The following NAXE variants were observed in gnomAD, a reference collection of about 807,000 sequenced individuals.
NAXE encodes the protein NAD(P)HX epimerase.
In NAXE, 25 loss-of-function variants were observed where a neutral mutation model predicts 31.2. The observed-to-expected ratio is 0.80, with a 90% CI of 0.58 to 1.12. NAXE has a LOEUF of 1.12. NAXE is among the 50% of genes most tolerant of loss of function. NAXE has a pLI of 0.00. For synonymous variants in NAXE, 144 were observed against 154.5 expected, an observed-to-expected ratio of 0.93 and a Z score of 0.50; for missense variants, 362 against 376.1, an observed-to-expected ratio of 0.96 and a Z score of 0.31.
Position 156,593,902 on chromosome 1 carries a change from A to G in NAXE, c.685A>G (p.Asn229Asp). 2.5e-6 allele frequency: 4 copies of G among 1,614,116 alleles called. No individual in the cohort carries two copies. Among genetic ancestry groups the G allele is most frequent in the Non-Finnish European group, 2.5e-6 (3 of 1,180,022 alleles). The change falls in exon 6 of 6, where the codon AAT (asparagine) becomes GAT (aspartate). Residue 229 changes from asparagine to aspartate, a missense_variant. Asn to Asp is a conservative substitution (Grantham distance 23, BLOSUM62 1). Coordinates refer to ENST00000368235, the MANE Select transcript of NAXE (RefSeq NM_144772.3). ...IPSGWDVEKG[N>D]AGGIQPDLLI... ...TTCAGGATGGGACGTGGAGAAGGGA[A>G]ATGCTGGAGGGATCCAGCCAGACTT...
At chr1:156,592,874 C>T in intron 4 of NAXE, 1 of 579,114 alleles carries the variant, frequency 1.7e-6, no homozygotes, top group East Asian at 2.9e-5. Context: ...TCTAAAGCTT[C>T]CTTGCCCTTT....
chr1:156,593,162 T>C (rs532263357), intron 4 of NAXE: 8 of 490,822 alleles, frequency 1.6e-5, no homozygotes. Flanking sequence ...CGTCTCAGGC[T>C]ATCTCAGCCT....
In NAXE at chr1:156,592,562, C is replaced by T. The variant is rs747812195; in HGVS notation, c.408C>T (p.Tyr136=). Residue 136 remains tyrosine, a synonymous_variant, in exon 4 of 6, where the codon TAC becomes TAT. Coordinates refer to ENST00000368235, the MANE Select transcript of NAXE (RefSeq NM_144772.3). ...AATTACCACTTTCTTCCTAGGGCTA[C>T]GAGCCAACCATCTATTACCCCAAAA... The part of the protein sequence containing the change: ...VCARHLKLFG[Y]EPTIYYPKRP... The T allele has an allele frequency of 7.4e-6, 12 of 1,613,850 alleles. No homozygotes were observed. The highest frequency in any genetic ancestry group is 6.7e-5 in the East Asian group (3 of 44,890).
intron 4 of NAXE, chr1:156,593,190 G>T: frequency 1.9e-6 from 1 of 538,250 alleles, no homozygotes; most frequent in South Asian, 3.2e-5. Flanking sequence ...CCCCAGTGGT[G>T]GGCAGGCAGG....
chr1:156,593,481 G>A lies in NAXE; in HGVS notation c.590G>A (p.Arg197Gln), dbSNP rs564275815. Residue 197 changes from arginine to glutamine, a missense_variant, in exon 5 of 6, where the codon CGG becomes CAG. Coordinates refer to ENST00000368235, the MANE Select transcript of NAXE (RefSeq NM_144772.3). The part of the protein sequence containing the change: ...IFGFSFKGDV[R>Q]EPFHSILSVL... ...GGCTTCAGCTTCAAGGGCGATGTTC[G>A]GGAACCGTTCCACAGCATCCTGAGT... 90 of 1,614,172 alleles carry A rather than the reference G, an allele frequency of 5.6e-5. No individual in the cohort carries two copies. The Admixed American group carries it at 8.8e-4, about 16-fold the overall frequency.
intron 4 of NAXE, chr1:156,592,945 A>C: frequency 4.1e-6 from 2 of 482,444 alleles, no homozygotes; most frequent in East Asian, 3.7e-5. Flanking sequence ...CATGCAGTAA[A>C]CACATGATCT....
Position 156,592,480 on chromosome 1 carries a change from G to A in NAXE, c.402+5G>A, listed in dbSNP as rs776395246. Reference sequence around the variant, plus strand: ...GCTCGACACCTCAAACTCTTTGTGAGTATGTGGGGAGGGGCTGTGGGGGAG... The same window carrying A: ...GCTCGACACCTCAAACTCTTTGTGAATATGTGGGGAGGGGCTGTGGGGGAG... On this transcript the variant is annotated splice_donor_5th_base_variant and intron_variant, in intron 3 of 5. Coordinates refer to ENST00000368235, the MANE Select transcript of NAXE (RefSeq NM_144772.3). 1.9e-6 allele frequency: 3 copies of A among 1,614,030 alleles called. No homozygotes were observed. The highest frequency in any genetic ancestry group is 2.5e-6 in the Non-Finnish European group (3 of 1,179,900).
In NAXE at chr1:156,591,981, C is replaced by A. The variant is rs371872027; in HGVS notation, c.177C>A (p.Tyr59Ter). 6.2e-7 allele frequency: 1 copy of A among 1,613,328 alleles called. No individual in the cohort carries two copies. The highest frequency in any genetic ancestry group is 1.3e-5 in the African/African-American group (1 of 75,026). ...TCATGGCGAGCACGGTGGTGAAGTA[C>A]CTGAGGTAGGCACGGGTCTCGGGTG... ...SEVMASTVVK[Y>*]LSQEEAQAVD... Residue 59 changes from tyrosine (Y) to a stop codon, truncating the protein, a stop_gained, in exon 1 of 6, where the codon TAC (tyrosine) becomes TAA (stop). Coordinates refer to ENST00000368235, the MANE Select transcript of NAXE (RefSeq NM_144772.3). LOFTEE classifies it high-confidence loss of function.
rs1157543324 is a variant in NAXE, at chr1:156,593,693, T to C, written c.664+138T>C. The C allele has an allele frequency of 5.1e-6, 7 of 1,377,480 alleles. No homozygotes were observed. In the East Asian group the frequency reaches 1.4e-4, roughly 28 times the overall value. 85.3% of individuals were successfully genotyped at this position (1,377,480 alleles called of 1,614,324 possible). On this transcript the variant is annotated intron_variant, in intron 5 of 5. Coordinates refer to ENST00000368235, the MANE Select transcript of NAXE (RefSeq NM_144772.3). ...GACCCCCATCAGGGCTGGGGAACAGTGTTCAGAAGTCCCCTTTACATGTTG... is the reference window on the plus strand; with the variant it reads ...GACCCCCATCAGGGCTGGGGAACAGCGTTCAGAAGTCCCCTTTACATGTTG...
Position 156,592,088 on chromosome 1 carries a change from G to T in NAXE, c.183-13G>T. The T allele has an allele frequency of 6.2e-7, 1 of 1,614,220 alleles. No homozygotes were observed. Among genetic ancestry groups the T allele is most frequent in the Non-Finnish European group, 8.5e-7 (1 of 1,180,028 alleles). ...ACACGAGGGGCGGGACTCAGGCCGC[G>T]GGTTTTCCTCAGCCAGGAGGAGGCC... is the stretch of plus-strand genomic sequence containing the variant. On this transcript the variant is annotated splice_polypyrimidine_tract_variant and intron_variant, in intron 1 of 5. Coordinates refer to ENST00000368235, the MANE Select transcript of NAXE (RefSeq NM_144772.3).
chr1:156,591,809 C>T lies in NAXE; in HGVS notation c.5C>T (p.Ser2Phe). Residue 2 changes from serine (S) to phenylalanine (F), a missense_variant, in exon 1 of 6, where the codon TCC becomes TTC. Coordinates refer to ENST00000368235, the MANE Select transcript of NAXE (RefSeq NM_144772.3). ...GGCGCGCGCTCTGCGAGCTGGATGT[C>T]CAGGCTGCGGGCGCTGCTGGGCCTC... M[S>F]RLRALLGLGL... The T allele has an allele frequency of 1.3e-6, 2 of 1,592,678 alleles. No individual in the cohort carries two copies. The highest frequency in any genetic ancestry group is 2.3e-5 in the East Asian group (1 of 43,600).
intron 2 of NAXE, 75 bp downstream of exon 2, chr1:156,592,284 A>C: frequency 1.2e-6 from 2 of 1,603,200 alleles, no homozygotes; most frequent in Non-Finnish European, 8.5e-7. Flanking sequence ...CCTAGGCACA[A>C]AGGGGTGGGA....
chr1:156,593,746 GT>G, intron 5 of NAXE, 135 bp from the exon 6 acceptor site: 1 of 1,311,110 alleles, frequency 7.6e-7, no homozygotes, highest in African/African-American at 1.5e-5. Flanking sequence ...CGGCCCAAGG[GT>G]ACGTGGAGCT....
At chr1:156,593,114 C>T in intron 4 of NAXE, 2 of 450,994 alleles carry the variant, frequency 4.4e-6, no homozygotes, top group Non-Finnish European at 3.9e-6. Context: ...TAAATTGTAT[C>T]ATGGCAGAGC....
Position 156,594,093 on chromosome 1 carries a change from G to A in NAXE, c.*9G>A, listed in dbSNP as rs375490608. ...TCTATCGTCTGCAGTGAGGGAAGGT[G>A]GGTGGGTATTCTTCCCAATAAAGAC... On this transcript the variant is annotated 3_prime_UTR_variant, in exon 6 of 6. Coordinates refer to ENST00000368235, the MANE Select transcript of NAXE (RefSeq NM_144772.3). 172 of 1,613,586 alleles carry A rather than the reference G, an allele frequency of 1.1e-4. No individual in the cohort carries two copies. Among genetic ancestry groups the A allele is most frequent in the Admixed American group, 2.8e-4 (17 of 60,016 alleles).
In NAXE at chr1:156,592,544, A is replaced by C; in HGVS notation, c.403-13A>C. 1 of 1,613,690 alleles carries C rather than the reference A, an allele frequency of 6.2e-7. No individual in the cohort carries two copies. Among genetic ancestry groups the C allele is most frequent in the Non-Finnish European group, 8.5e-7 (1 of 1,179,720 alleles). ...CTCTGGGATCTGGGGTTGAATTACC[A>C]CTTTCTTCCTAGGGCTACGAGCCAA... is the stretch of plus-strand genomic sequence containing the variant. On this transcript the variant is annotated splice_polypyrimidine_tract_variant and intron_variant, in intron 3 of 5. Coordinates refer to ENST00000368235, the MANE Select transcript of NAXE (RefSeq NM_144772.3).
At chr1:156,592,809 A>C in intron 4 of NAXE, 139 bp downstream of exon 4, 2 of 732,918 alleles carry the variant, frequency 2.7e-6, no homozygotes. Context: ...ATAAGTGTGC[A>C]AGAGCCTTCT....
chr1:156,593,307 G>A (rs1677394235), intron 4 of NAXE, 101 bp from the exon 5 acceptor site: 3 of 1,443,862 alleles, frequency 2.1e-6, no homozygotes, highest in African/African-American at 1.4e-5. Context: ...CACAATACTT[G>A]TGCCTCTGAG....
Position 156,592,227 on chromosome 1 carries a change from C to T in NAXE, c.291+18C>T, listed in dbSNP as rs767259929. ...TCGCCAAGGTCAGTGGCACAACTCT[C>T]GACCTTTGGGAGCAGCCAGGGAGGA... On this transcript the variant is annotated intron_variant, in intron 2 of 5. Coordinates refer to ENST00000368235, the MANE Select transcript of NAXE (RefSeq NM_144772.3). 8 of 1,613,134 alleles carry T rather than the reference C, an allele frequency of 5.0e-6. No individual in the cohort carries two copies. The Admixed American group carries it at 1.3e-4, about 27-fold the overall frequency.
Sources: allele counts gnomAD v4.1 joint callset, GRCh38; gene constraint gnomAD v4.1.1; transcripts MANE v1.5; gene names NCBI Gene and HGNC (gene_info 2026-07-23, HGNC 2026-07-21).